Variants in FCRL5 observed in about 807,000 individuals in gnomAD.
The protein encoded by FCRL5 is Fc receptor-like protein 5.
Under a neutral mutation model 92.1 loss-of-function variants are expected in FCRL5, and 79 were observed. The observed-to-expected ratio is 0.86, with a 90% CI of 0.72 to 1.03. The LOEUF (loss-of-function observed/expected upper bound fraction) is 1.03. FCRL5 is among the 50% of genes least tolerant of loss of function. The pLI, the probability that FCRL5 is intolerant of heterozygous loss-of-function variation, is 0.00. For synonymous variants in FCRL5, 466 were observed against 469.3 expected, an observed-to-expected ratio of 0.99 and a Z score of 0.09; for missense variants, 1,160 against 1,181.1, an observed-to-expected ratio of 0.98 and a Z score of 0.26.
Position 157,515,883 on chromosome 1 carries a change from G to A in FCRL5, c.2813-10C>T. ...CTGGGGTCAGAGGCCACTGTGGAAA[G>A]AGGAAAGTGTTCAGTTGTGGAAGAC... On this transcript the variant is annotated splice_polypyrimidine_tract_variant and intron_variant, in intron 15 of 16. Transcript: ENST00000361835. The A allele has an allele frequency of 6.2e-7, 1 of 1,613,586 alleles. No homozygotes were observed. The highest frequency in any genetic ancestry group is 8.5e-7 in the Non-Finnish European group (1 of 1,179,972).
intron 1 of FCRL5, among the ~76,000 whole-genome samples, chr1:157,550,291 A>G (rs1239830839): frequency 6.6e-6 from 1 of 152,142 alleles, no homozygotes; most frequent in Non-Finnish European, 1.5e-5. Context: ...AGAATTTCAG[A>G]CTTTGATGGA....
At chr1:157,515,816 G>C (rs1280271555) in intron 16 of FCRL5, 26 bp downstream of exon 16, 2 of 1,613,628 alleles carry the variant, frequency 1.2e-6, no homozygotes, top group South Asian at 2.2e-5. Flanking sequence ...GGGGGTGGGG[G>C]AGGGCATGCA....
Position 157,546,570 on chromosome 1 carries a change from C to T in FCRL5, c.307+373G>A, listed in dbSNP as rs541920183. Among the ~76,000 whole-genome samples, 257 of 152,156 alleles carry T rather than the reference C, an allele frequency of 1.7e-3. 1 individual carries two copies. The highest frequency in any genetic ancestry group is 5.9e-3 in the African/African-American group (246 of 41,512). ...CTCAGACTTTCTGGTACCGGAGAGG[C>T]TTGTAAAAAATATAAATTGCTGGAC... On this transcript the variant is annotated intron_variant, in intron 3 of 16. Transcript: ENST00000361835.
At position 157,552,202 on chromosome 1, in the gene FCRL5, A is replaced by G. The variant is rs1651852351; in HGVS notation, c.31+130T>C. Reference sequence around the variant, plus strand: ...GCCCTGAGCTACAGAGTAAAGTTCAAAAATACAGTCTCCTAATGTAGGAGA... The same window carrying G: ...GCCCTGAGCTACAGAGTAAAGTTCAGAAATACAGTCTCCTAATGTAGGAGA... On this transcript the variant is annotated intron_variant, in intron 1 of 16. Transcript: ENST00000361835. 3.3e-6 allele frequency: 3 copies of G among 900,374 alleles called. 1 individual carries two copies. The South Asian group carries it at 4.6e-5, about 14-fold the overall frequency. 55.8% of individuals were successfully genotyped at this position (900,374 alleles called of 1,614,324 possible). A position where few individuals can be genotyped will look rare whatever the true frequency, so the allele number is the denominator to read the frequency against.
rs143818028 is a variant in FCRL5 at position 157,518,767 on chromosome 1, C to T, written c.2676G>A (p.Ser892=). 90 of 1,612,820 alleles carry T rather than the reference C, an allele frequency of 5.6e-5. No homozygotes were observed. The highest frequency in any genetic ancestry group is 1.4e-4 in the South Asian group (13 of 90,640). ...TGTGATAGGTGGGCTCTTGGGAGTC[C>T]GAGTCTGAAGGGCTCCTGTGAGACA... ...ASDPARSPSD[S]DSQEPTYHNV... is the part of the protein sequence containing the mutation. The change falls in exon 14 of 17, where the codon TCG becomes TCA. Residue 892 remains serine (S), a synonymous_variant. Coordinates refer to ENST00000361835, the MANE Select transcript of FCRL5 (RefSeq NM_031281.3).
intron 8 of FCRL5, chr1:157,528,369 T>C (rs1650535263): frequency 6.6e-6 from 1 of 152,256 alleles, no homozygotes; most frequent in Non-Finnish European, 1.5e-5. Context: ...GAATCAATAT[T>C]GTGAAAATGG....
intron 6 of FCRL5, among the ~76,000 whole-genome samples, chr1:157,539,658 G>A (rs1002307481): frequency 6.6e-6 from 1 of 152,208 alleles, no homozygotes; most frequent in Non-Finnish European, 1.5e-5. Context: ...CCCTAACAGT[G>A]TAAATTGATA....
rs1174222742 is a variant in FCRL5 at position 157,524,329 on chromosome 1, T to A, written c.2189A>T (p.Asp730Val). The change falls in exon 10 of 17, where the codon GAC becomes GTC. Residue 730 changes from aspartate (D) to valine (V), a missense_variant. Transcript: ENST00000361835. ...EHSGIYSCEA[D>V]NGLEAQRSEM... ...ACTGCGCTGGGCCTCCAGACCATTG[T>A]CTGCCTCACAGGAGTAGATTCCAGA... 6.2e-7 allele frequency: 1 copy of A among 1,614,288 alleles called. No homozygotes were observed. Among genetic ancestry groups the A allele is most frequent in the Non-Finnish European group, 8.5e-7 (1 of 1,180,054 alleles).
intron 9 of FCRL5, among the ~76,000 whole-genome samples, chr1:157,526,995 A>C (rs918791220): frequency 2.8e-4 from 43 of 152,186 alleles, no homozygotes; most frequent in African/African-American, 1.0e-3. Flanking sequence ...ATTATGGAGT[A>C]TGGAGAAAGA....
chr1:157,528,485 A>G (rs913942816), intron 8 of FCRL5: 1 of 152,202 alleles, frequency 6.6e-6, no homozygotes, highest in Non-Finnish European at 1.5e-5. Context: ...TATGGAACAA[A>G]AAAAAGAGCC....
At chr1:157,542,682 T>G (rs1651321499) in intron 6 of FCRL5, 177 bp downstream of exon 6, 1 of 761,130 alleles carries the variant, frequency 1.3e-6, no homozygotes, top group Non-Finnish European at 2.1e-6. Context: ...TAGACTGCAA[T>G]GCAACGAGAC....
At chr1:157,520,221 C>T (rs944213514) in intron 12 of FCRL5, among the ~76,000 whole-genome samples, 1 of 152,122 alleles carries the variant, frequency 6.6e-6, no homozygotes, top group Non-Finnish European at 1.5e-5. Context: ...TACATCTCAT[C>T]AAGACGTCTC....
intron 8 of FCRL5, chr1:157,532,066 A>G (rs1223025364): frequency 6.6e-6 from 1 of 152,228 alleles, no homozygotes; most frequent in Non-Finnish European, 1.5e-5. Flanking sequence ...GTATATCAAA[A>G]TATCAAACTG....
chr1:157,536,073 CT>C (rs1650957924), intron 7 of FCRL5, among the ~76,000 whole-genome samples: 1 of 151,818 alleles, frequency 6.6e-6, no homozygotes, highest in Admixed American at 6.6e-5. Flanking sequence ...TCCTGAGTAG[CT>C]GGCGTTACAG....
At chr1:157,528,846 A>G (rs527726943) in intron 8 of FCRL5, among the ~76,000 whole-genome samples, 2 of 152,320 alleles carry the variant, frequency 1.3e-5, no homozygotes, top group Admixed American at 6.5e-5. Context: ...GAGACCTAAA[A>G]CCATATAAAC....
chr1:157,545,147 T>C (rs1651470605), intron 3 of FCRL5, 65 bp from the exon 4 acceptor site: 1 of 1,535,374 alleles, frequency 6.5e-7, no homozygotes, highest in Non-Finnish European at 8.7e-7. Flanking sequence ...TCATTGTTTT[T>C]CCAAGTAGAT....
chr1:157,522,929 AG>A (rs1187385582), intron 10 of FCRL5: 1 of 152,318 alleles, frequency 6.6e-6, no homozygotes, highest in East Asian at 1.9e-4. Context: ...TCTAAGGGAT[AG>A]GTGTGTAAAC....
rs1290617353 is a variant in FCRL5 at position 157,534,612 on chromosome 1, A to G, written c.1681+2T>C. The G allele has an allele frequency of 1.2e-6, 2 of 1,614,152 alleles. No individual in the cohort carries two copies. The highest frequency in any genetic ancestry group is 1.7e-6 in the Non-Finnish European group (2 of 1,180,006). ...GGTGACTGGCAAGAACCCAGCACTT[A>G]CCAGTGACAAAAAGGCTCACCACTT... On this transcript the variant is annotated splice_donor_variant, in intron 8 of 16. Transcript: ENST00000361835. LOFTEE classifies it high-confidence loss of function.
At chr1:157,534,227 C>A in intron 8 of FCRL5, 1 of 583,704 alleles carries the variant, frequency 1.7e-6, no homozygotes, top group South Asian at 1.6e-5. Context: ...ATTGGAAATC[C>A]TTTGGAGAAT....
Sources: allele counts gnomAD v4.1 joint callset (sites outside exome capture counted in the v4.1 genomes callset), GRCh38; gene constraint gnomAD v4.1.1; transcripts MANE v1.5; gene names NCBI Gene and HGNC (gene_info 2026-07-23, HGNC 2026-07-21).